The following ARMC2 variants were observed in gnomAD, a reference collection of about 807,000 sequenced individuals.
ARMC2 encodes the protein armadillo repeat-containing protein 2.
In ARMC2, 67 loss-of-function variants were observed where a neutral mutation model predicts 90.3. The ratio of observed to expected loss-of-function variants is 0.74; its 90% CI spans 0.61 to 0.91. The LOEUF (loss-of-function observed/expected upper bound fraction) is 0.91, where lower values mean the gene tolerates loss of function less well. Among genes scored for constraint, ARMC2 ranks in the 40% least tolerant of loss-of-function variants. ARMC2 has a pLI of 0.00. For synonymous variants in ARMC2, 393 were observed against 393.0 expected (o/e 1.00, Z 0.00); for missense variants, 920 against 1,030.9 (o/e 0.89, Z 1.47).
chr6:108,866,245 C>T (rs942993522), intron 3 of ARMC2, among the ~76,000 whole-genome samples: 107 of 152,220 alleles, frequency 7.0e-4, no homozygotes, highest in African/African-American at 2.5e-3. Context: ...ACAGAAAACA[C>T]CTATTTTCCT....
At chr6:108,869,703 A>G (rs1273439455) in intron 4 of ARMC2, among the ~76,000 whole-genome samples, 2 of 152,162 alleles carry the variant, frequency 1.3e-5, no homozygotes, top group African/African-American at 2.4e-5. Flanking sequence ...TGAGCATGTA[A>G]GCAAAATTTG....
intron 13 of ARMC2, among the ~76,000 whole-genome samples, chr6:108,955,719 G>A (rs764697062): frequency 5.9e-5 from 9 of 152,202 alleles, no homozygotes; most frequent in Admixed American, 2.0e-4. Flanking sequence ...TAAGCCACGT[G>A]GAAGAAAATG....
chr6:108,994,163 A>AG, the ARMC2 span, among the ~76,000 whole-genome samples: 95 of 146,794 alleles, frequency 6.5e-4, no homozygotes, highest in Middle Eastern at 7.5e-3. Context: ...AAAAAAAAAA[A>AG]GAGAAAAAAG....
At chr6:108,866,280 TC>T (rs1195597004) in intron 3 of ARMC2, among the ~76,000 whole-genome samples, 1 of 152,214 alleles carries the variant, frequency 6.6e-6, no homozygotes, top group Admixed American at 6.5e-5. Flanking sequence ...GCTTTTCTGT[TC>T]CTATTAGCTT....
At chr6:108,990,860 G>A in the ARMC2 span, 1 of 1,588,054 alleles carries the variant, frequency 6.3e-7, no homozygotes, top group East Asian at 2.2e-5. Flanking sequence ...TAGAACAAAT[G>A]TGAATAAATG....
At chr6:108,851,315 C>G (rs1466559979) in intron 1 of ARMC2, among the ~76,000 whole-genome samples, 7 of 152,220 alleles carry the variant, frequency 4.6e-5, no homozygotes, top group Admixed American at 4.6e-4. Context: ...ACCACCTCTT[C>G]CAGGAAGTCT....
chr6:108,998,608 T>C, the ARMC2 span: 3 of 1,613,984 alleles, frequency 1.9e-6, no homozygotes, highest in Middle Eastern at 1.6e-4. Context: ...GAAGGAGGTC[T>C]GAATGTGTGG....
At chr6:108,991,307 T>A in the ARMC2 span, among the ~76,000 whole-genome samples, 1 of 152,110 alleles carries the variant, frequency 6.6e-6, no homozygotes, top group African/African-American at 2.4e-5. Flanking sequence ...AATGGTATGA[T>A]CACAGCTCAC....
chr6:108,976,765 T>A (rs1438781996), downstream of ARMC2, among the ~76,000 whole-genome samples: 1 of 152,222 alleles, frequency 6.6e-6, no homozygotes, highest in Non-Finnish European at 1.5e-5. Flanking sequence ...TTTGTAGCAA[T>A]TGCGAATGGG....
chr6:108,900,225 G>A (rs1250250991), intron 7 of ARMC2, among the ~76,000 whole-genome samples: 1 of 152,330 alleles, frequency 6.6e-6, no homozygotes, highest in Middle Eastern at 3.4e-3. Context: ...ACTGGTATCT[G>A]TCCTACTCTC....
chr6:108,986,556 T>TTCAAACAAAGTTAGCGTTTTTG, the ARMC2 span: 1 of 152,670 alleles, frequency 6.6e-6, no homozygotes, highest in South Asian at 2.1e-4. Context: ...CTGTTTGCAT[T>TTCAAACAAAGTTAGCGTTTTTG]TCAAACAAAG....
At chr6:108,930,748 A>C (rs1303555089) in intron 11 of ARMC2, among the ~76,000 whole-genome samples, 2 of 151,272 alleles carry the variant, frequency 1.3e-5, no homozygotes, top group Admixed American at 1.3e-4. Context: ...AGGCACCCAC[A>C]CCACGCCCAG....
In ARMC2 at chr6:108,961,501, C is replaced by G; in HGVS notation, c.1916-71C>G. On this transcript the variant is annotated intron_variant, in intron 13 of 17. Transcript: ENST00000392644. ...CAGCCGGCTCCTGGCCCTGCTGTTGCTGTAGTTGCAACGTAGTTGGTTCTA... is the reference window on the plus strand; with the variant it reads ...CAGCCGGCTCCTGGCCCTGCTGTTGGTGTAGTTGCAACGTAGTTGGTTCTA... The G allele has an allele frequency of 3.4e-6, 5 of 1,482,298 alleles. No individual in the cohort carries two copies. In the South Asian group the frequency reaches 6.7e-5, roughly 20 times the overall value. The allele number at this position is 1,482,298 out of a possible 1,614,324, so 91.8% of individuals were successfully genotyped here.
chr6:108,865,572 C>T (rs180928541), intron 3 of ARMC2, among the ~76,000 whole-genome samples: 8 of 152,206 alleles, frequency 5.3e-5, no homozygotes, highest in African/African-American at 1.4e-4. Flanking sequence ...AAAATGGAAC[C>T]GAATTTTTAT....
At chr6:108,869,853 TGGAAAA>T (rs1270056855) in intron 4 of ARMC2, among the ~76,000 whole-genome samples, 3 of 152,086 alleles carry the variant, frequency 2.0e-5, no homozygotes, top group Non-Finnish European at 4.4e-5. Context: ...TCTCAAACTG[TGGAAAA>T]GGACCCAGAA....
chr6:108,965,482 C>T (rs544443139), intron 17 of ARMC2, among the ~76,000 whole-genome samples: 69 of 147,300 alleles, frequency 4.7e-4, no homozygotes, highest in African/African-American at 1.7e-3. Context: ...TGAGAAAATA[C>T]GGCTAAAATC....
At chr6:108,995,990 C>T in the ARMC2 span, among the ~76,000 whole-genome samples, 2 of 152,166 alleles carry the variant, frequency 1.3e-5, no homozygotes, top group East Asian at 1.9e-4. Flanking sequence ...TATTCTAACA[C>T]AACCCTCTCC....
chr6:109,009,891 A>C, the ARMC2 span, among the ~76,000 whole-genome samples: 1 of 151,982 alleles, frequency 6.6e-6, no homozygotes, highest in Non-Finnish European at 1.5e-5. Context: ...TTTACCTAGA[A>C]CCAAACAGCA....
At chr6:108,986,179 G>T in the ARMC2 span, among the ~76,000 whole-genome samples, 2 of 152,178 alleles carry the variant, frequency 1.3e-5, no homozygotes, top group East Asian at 3.9e-4. Flanking sequence ...CTTCTTTTTA[G>T]TAATTCTTAA....
Sources: gnomAD v4.1 joint callset for allele counts (sites outside exome capture counted in the v4.1 genomes callset) on GRCh38, gnomAD v4.1.1 for gene constraint, MANE v1.5 for transcripts, NCBI Gene and HGNC (gene_info 2026-07-23, HGNC 2026-07-21) for gene names.